GPC6: variants seen among roughly 807,000 people sequenced by gnomAD.
GPC6 encodes the protein glypican 6.
In GPC6, 14 loss-of-function variants were observed where a neutral mutation model predicts 55.2. The observed-to-expected ratio is 0.25, with a 90% CI of 0.17 to 0.40. GPC6 has a LOEUF of 0.40. Ranked by LOEUF, GPC6 falls within the 10% of genes least tolerant of loss-of-function variation. The pLI, the probability that GPC6 is intolerant of heterozygous loss-of-function variation, is 1.00. For missense variants in GPC6, 641 were observed against 708.5 expected (o/e 0.90, Z 1.08); for synonymous variants, 278 against 259.6 (o/e 1.07, Z -0.68).
chr13:93,759,282 T>C (rs1021938505), intron 2 of GPC6, among the ~76,000 whole-genome samples: 1 of 152,214 alleles, frequency 6.6e-6, no homozygotes, highest in Non-Finnish European at 1.5e-5. Flanking sequence ...TGTCCCCATA[T>C]GTATCCCCCA....
At chr13:93,704,957 C>T (rs1359455982) in intron 2 of GPC6, among the ~76,000 whole-genome samples, 3 of 151,852 alleles carry the variant, frequency 2.0e-5, no homozygotes, top group African/African-American at 7.3e-5. Flanking sequence ...CATGTCATGT[C>T]CATATTCTTA....
At chr13:94,340,645 G>A (rs1260844153) in intron 6 of GPC6, among the ~76,000 whole-genome samples, 2 of 152,208 alleles carry the variant, frequency 1.3e-5, no homozygotes, top group African/African-American at 2.4e-5. Flanking sequence ...AGGGTTCTAC[G>A]TAAATAAGAC....
chr13:93,845,047 G>C (rs1436372535), intron 3 of GPC6, among the ~76,000 whole-genome samples: 1 of 151,892 alleles, frequency 6.6e-6, no homozygotes, highest in Non-Finnish European at 1.5e-5. Context: ...GGTTACTGTA[G>C]CCTTGTAGTA....
intron 2 of GPC6, among the ~76,000 whole-genome samples, chr13:93,728,124 A>T (rs1383444586): frequency 1.3e-5 from 2 of 151,978 alleles, no homozygotes; most frequent in African/African-American, 4.8e-5. Context: ...TTGCACTCTC[A>T]TTTCCTGTAC....
At chr13:94,221,406 C>T (rs1890379410) in intron 4 of GPC6, among the ~76,000 whole-genome samples, 1 of 152,058 alleles carries the variant, frequency 6.6e-6, no homozygotes. Flanking sequence ...TACCTTCTTG[C>T]AACCATGAGG....
At chr13:93,539,380 A>G (rs9561388) in intron 1 of GPC6, among the ~76,000 whole-genome samples, 18,286 of 152,144 alleles carry the variant, frequency 0.12, 1,348 homozygotes, top group East Asian at 0.3. Flanking sequence ...ATACCCTTGT[A>G]GTTGAACAGG....
At chr13:93,899,710 G>C (rs755905049) in intron 3 of GPC6, among the ~76,000 whole-genome samples, 1 of 152,178 alleles carries the variant, frequency 6.6e-6, no homozygotes, top group East Asian at 1.9e-4. Flanking sequence ...TAATAAAAAG[G>C]CCTGAAGAGG....
intron 1 of GPC6, among the ~76,000 whole-genome samples, chr13:93,500,903 TG>T (rs1880496793): frequency 6.6e-6 from 1 of 152,182 alleles, no homozygotes; most frequent in Non-Finnish European, 1.5e-5. Context: ...TTAATCCATG[TG>T]GATGTGTTAG....
chr13:93,942,135 G>A (rs1340153543), intron 3 of GPC6, among the ~76,000 whole-genome samples: 1 of 152,130 alleles, frequency 6.6e-6, no homozygotes, highest in Non-Finnish European at 1.5e-5. Flanking sequence ...CCTAATTCAT[G>A]GTAGTAGAAA....
chr13:93,512,996 G>A (rs1194551479), intron 1 of GPC6, among the ~76,000 whole-genome samples: 1 of 152,118 alleles, frequency 6.6e-6, no homozygotes, highest in Non-Finnish European at 1.5e-5. Context: ...AATTAGCTAT[G>A]CTAGATATTC....
intron 3 of GPC6, among the ~76,000 whole-genome samples, chr13:93,904,775 TAAAA>T (rs1876547283): frequency 6.6e-6 from 1 of 151,836 alleles, no homozygotes; most frequent in Non-Finnish European, 1.5e-5. Context: ...CTACTTTTTT[TAAAA>T]TTTATTATTG....
intron 1 of GPC6, among the ~76,000 whole-genome samples, chr13:93,279,364 T>C (rs1368356524): frequency 6.6e-6 from 1 of 152,154 alleles, no homozygotes; most frequent in African/African-American, 2.4e-5. Context: ...TAAGAAATGG[T>C]TTGTCGAGAT....
intron 4 of GPC6, among the ~76,000 whole-genome samples, chr13:94,197,035 T>C (rs534151363): frequency 8.7e-6 from 1 of 114,674 alleles, no homozygotes; most frequent in Non-Finnish European, 2.0e-5. Context: ...AAAATGTGGG[T>C]TTTTTTTAAC....
intron 4 of GPC6, among the ~76,000 whole-genome samples, chr13:94,216,285 T>G (rs1002053015): frequency 1.3e-5 from 2 of 152,190 alleles, no homozygotes; most frequent in Non-Finnish European, 2.9e-5. Context: ...CTTTCCCCAT[T>G]AACACAGAAG....
At chr13:94,215,533 G>A (rs1172895148) in intron 4 of GPC6, among the ~76,000 whole-genome samples, 1 of 152,102 alleles carries the variant, frequency 6.6e-6, no homozygotes, top group Non-Finnish European at 1.5e-5. Context: ...CCTATAACTT[G>A]CACAATAGCA....
At chr13:93,443,803 G>A (rs184745985) in intron 1 of GPC6, among the ~76,000 whole-genome samples, 2 of 152,348 alleles carry the variant, frequency 1.3e-5, no homozygotes, top group African/African-American at 4.8e-5. Flanking sequence ...CCTTAATCAT[G>A]ATCTAAGGAG....
intron 1 of GPC6, among the ~76,000 whole-genome samples, chr13:93,399,837 T>C (rs7329539): frequency 0.18 from 27,730 of 152,102 alleles, 3,195 homozygotes; most frequent in East Asian, 0.48. Context: ...CAAAAATGTG[T>C]GGATCTCTGT....
chr13:93,330,137 A>G (rs1050921419), intron 1 of GPC6, among the ~76,000 whole-genome samples: 9 of 152,206 alleles, frequency 5.9e-5, no homozygotes, highest in Admixed American at 5.2e-4. Context: ...TTCATTGTGC[A>G]AGAATGTCTT....
At chr13:93,392,336 T>A (rs1369561638) in intron 1 of GPC6, among the ~76,000 whole-genome samples, 2 of 152,186 alleles carry the variant, frequency 1.3e-5, no homozygotes, top group Admixed American at 1.3e-4. Context: ...CCTAATTGTT[T>A]TTTACTTTAT....
Sources: allele counts gnomAD v4.1 joint callset (sites outside exome capture counted in the v4.1 genomes callset), GRCh38; gene constraint gnomAD v4.1.1; transcripts MANE v1.5; gene names NCBI Gene and HGNC (gene_info 2026-07-23, HGNC 2026-07-21).